The following PCDHGA6 variants were observed in gnomAD, a reference collection of about 807,000 sequenced individuals.
PCDHGA6 encodes protocadherin gamma subfamily A, 6.
In PCDHGA6, 41 loss-of-function variants were observed where a neutral mutation model predicts 60.6. The ratio of observed to expected loss-of-function variants is 0.68; its 90% CI spans 0.53 to 0.88. PCDHGA6 has a LOEUF of 0.88. Among genes scored for constraint, PCDHGA6 ranks in the 40% least tolerant of loss-of-function variants. PCDHGA6 has a pLI of 0.00. For synonymous variants in PCDHGA6, 594 were observed against 524.4 expected (o/e 1.13, Z -1.81); for missense variants, 1,312 against 1,203.0 (o/e 1.09, Z -1.34).
At chr5:141,415,762 T>G (rs1561760360) in intron 1 of PCDHGA6, 16 of 1,399,878 alleles carry the variant, frequency 1.1e-5, no homozygotes, top group East Asian at 5.3e-5. Flanking sequence ...TTTTTTTTTT[T>G]TTTTTTTTTT....
Position 141,486,740 on chromosome 5 carries a change from T to G in PCDHGA6, c.2425-8067T>G. Reference sequence around the variant, plus strand: ...AGGAGCTGTTCATGCTACTCGATCCTTTGACTATGAGCAAACCCAGACACT... The same window carrying G: ...AGGAGCTGTTCATGCTACTCGATCCGTTGACTATGAGCAAACCCAGACACT... On this transcript the variant is annotated intron_variant, in intron 1 of 3. Transcript: ENST00000517434. This position sits in a 1 kb window ranked among gnomAD's most constrained non-coding sequence, Gnocchi z 5.0. 6.2e-7 allele frequency: 1 copy of G among 1,614,234 alleles called. No individual in the cohort carries two copies. The highest frequency in any genetic ancestry group is 8.5e-7 in the Non-Finnish European group (1 of 1,180,046).
chr5:141,501,300 C>T (rs867143352), intron 2 of PCDHGA6, among the ~76,000 whole-genome samples: 2,626 of 150,646 alleles, frequency 0.017, 74 homozygotes, highest in African/African-American at 0.06. Context: ...TACACACACA[C>T]ACACACACAC....
At chr5:141,383,976 C>T (rs1438303235) in intron 1 of PCDHGA6, 1 of 1,613,642 alleles carries the variant, frequency 6.2e-7, no homozygotes, top group Non-Finnish European at 8.5e-7. Context: ...TCCCTGAAGA[C>T]ACACCTCTTG....
chr5:141,501,302 C>T (rs886901737), intron 2 of PCDHGA6, among the ~76,000 whole-genome samples: 14 of 151,156 alleles, frequency 9.3e-5, no homozygotes, highest in African/African-American at 2.9e-4. Flanking sequence ...CACACACACA[C>T]ACACACACAC....
chr5:141,418,941 C>T, intron 1 of PCDHGA6: 1 of 1,614,034 alleles, frequency 6.2e-7, no homozygotes, highest in Non-Finnish European at 8.5e-7. Context: ...GAGGATTCCC[C>T]TCCAGGAGTG....
intron 1 of PCDHGA6, chr5:141,421,202 C>A: frequency 1.3e-6 from 2 of 1,519,344 alleles, no homozygotes; most frequent in Non-Finnish European, 1.8e-6. Flanking sequence ...CTCGAGAAAC[C>A]GCGGAATATC....
At position 141,486,616 on chromosome 5, in the gene PCDHGA6, C is replaced by T. The variant is rs759167270; in HGVS notation, c.2425-8191C>T. On this transcript the variant is annotated intron_variant, in intron 1 of 3. Coordinates refer to ENST00000517434, the MANE Select transcript of PCDHGA6 (RefSeq NM_018919.3). The surrounding 1 kb of genome is among the most constrained non-coding windows in gnomAD (Gnocchi z 5.0). ...TGCTTTGCTCCCTTGCAGCCTCTGA[C>T]CCAGACTCTGGCTTGAATGCGCTTA... is the stretch of plus-strand genomic sequence containing the variant. 2 of 1,613,500 alleles carry T rather than the reference C, an allele frequency of 1.2e-6. No individual in the cohort carries two copies. The highest frequency in any genetic ancestry group is 3.3e-5 in the Admixed American group (2 of 60,004).
intron 1 of PCDHGA6, chr5:141,385,402 T>A: frequency 6.7e-7 from 1 of 1,488,784 alleles, no homozygotes; most frequent in Non-Finnish European, 8.9e-7. Context: ...AACAAATGTT[T>A]TGAAAATAGG....
At chr5:141,413,804 C>G in intron 1 of PCDHGA6, 1 of 1,613,194 alleles carries the variant, frequency 6.2e-7, no homozygotes, top group Non-Finnish European at 8.5e-7. Context: ...GAGGAAGAGG[C>G]CATTCACCAC....
chr5:141,426,806 T>C (rs1390972821), intron 1 of PCDHGA6: 1 of 456,600 alleles, frequency 2.2e-6, no homozygotes, highest in Non-Finnish European at 4.4e-6. Context: ...TCAGTTCTAA[T>C]GAACATTTCT....
At chr5:141,509,599 A>G (rs964564148) in intron 3 of PCDHGA6, among the ~76,000 whole-genome samples, 6 of 152,158 alleles carry the variant, frequency 3.9e-5, no homozygotes, top group African/African-American at 1.4e-4. Context: ...CAATTCCGAG[A>G]GGCTGCATTC....
At chr5:141,480,511 A>G (rs2099520888) in intron 1 of PCDHGA6, among the ~76,000 whole-genome samples, 1 of 127,378 alleles carries the variant, frequency 7.9e-6, no homozygotes, top group African/African-American at 3.6e-5. Context: ...ATATGAGAAC[A>G]ACCAAAAATG....
intron 1 of PCDHGA6, chr5:141,399,055 GA>G: frequency 7.4e-6 from 12 of 1,613,844 alleles, no homozygotes; most frequent in Non-Finnish European, 1.0e-5. Context: ...AGAGACCAAG[GA>G]ATATTCAATG....
rs577239742 is a variant in PCDHGA6 at position 141,501,564 on chromosome 5, T to C, written c.2484-3829T>C. ...CATAAGATCATAGGCCCTGGAATCA[T>C]ATTAGGCTGGCTTTCAGGTTGCAAC... On this transcript the variant is annotated intron_variant, in intron 2 of 3. Coordinates refer to ENST00000517434, the MANE Select transcript of PCDHGA6 (RefSeq NM_018919.3). 5.9e-5 allele frequency among the ~76,000 whole-genome samples: 9 copies of C among 152,194 alleles called. No individual in the cohort carries two copies. The South Asian group carries it at 1.7e-3, about 28-fold the overall frequency.
chr5:141,474,721 A>T (rs942537231), intron 1 of PCDHGA6, among the ~76,000 whole-genome samples: 10 of 152,214 alleles, frequency 6.6e-5, no homozygotes, highest in African/African-American at 1.7e-4. Flanking sequence ...CTTCAAAAGG[A>T]CTCTATGCAA....
At chr5:141,384,494 T>G (rs900386629) in intron 1 of PCDHGA6, 2 of 1,613,972 alleles carry the variant, frequency 1.2e-6, no homozygotes, top group Admixed American at 1.7e-5. Context: ...CAACTAAGAG[T>G]GACTGCACAT....
chr5:141,417,613 G>A (rs984573855), intron 1 of PCDHGA6: 2 of 624,312 alleles, frequency 3.2e-6, no homozygotes, highest in African/African-American at 3.7e-5. Flanking sequence ...GTCGGCCAGT[G>A]CAGAGCAAGC....
intron 1 of PCDHGA6, among the ~76,000 whole-genome samples, chr5:141,456,625 C>T (rs544550965): frequency 4.6e-5 from 7 of 152,288 alleles, no homozygotes; most frequent in African/African-American, 1.4e-4. Flanking sequence ...AGATTTGCCT[C>T]TTCTTTACTA....
In PCDHGA6 at chr5:141,477,005, T is replaced by C; in HGVS notation, c.2425-17802T>C. The C allele has an allele frequency of 1.2e-6, 2 of 1,614,240 alleles. No individual in the cohort carries two copies. Among genetic ancestry groups the C allele is most frequent in the Non-Finnish European group, 1.7e-6 (2 of 1,180,040 alleles). Reference sequence around the variant, plus strand: ...CGCCGGCGTGCGGCAACTATTCGCCTTAGACCTTGTAACCGGGATGCTGAC... The same window carrying C: ...CGCCGGCGTGCGGCAACTATTCGCCCTAGACCTTGTAACCGGGATGCTGAC... On this transcript the variant is annotated intron_variant, in intron 1 of 3. Transcript: ENST00000517434. The surrounding 1 kb of genome is among the most constrained non-coding windows in gnomAD (Gnocchi z 4.9).
Sources: gnomAD v4.1 joint callset for allele counts (sites outside exome capture counted in the v4.1 genomes callset) on GRCh38, gnomAD v4.1.1 for gene constraint, Gnocchi (gnomAD v3.1) non-coding constraint, MANE v1.5 for transcripts, NCBI Gene and HGNC (gene_info 2026-07-23, HGNC 2026-07-21) for gene names.